Variants in FCSK observed in about 807,000 individuals in gnomAD.
FCSK encodes the protein fucose kinase.
A neutral mutation model predicts 122.5 loss-of-function variants in FCSK; 123 were observed. That is an observed-to-expected ratio of 1.00 (90% CI 0.87 to 1.17). FCSK has a LOEUF of 1.17. Ranked by LOEUF, FCSK falls within the 50% of genes most tolerant of loss-of-function variation. The pLI, the probability that FCSK is intolerant of heterozygous loss-of-function variation, is 0.00. For missense variants in FCSK, 1,366 were observed against 1,450.4 expected, an observed-to-expected ratio of 0.94 and a Z score of 0.95; for synonymous variants, 620 against 625.5, an observed-to-expected ratio of 0.99 and a Z score of 0.13.
At chr16:70,460,904 G>A (rs968374279) in intron 1 of FCSK, among the ~76,000 whole-genome samples, 4 of 152,194 alleles carry the variant, frequency 2.6e-5, no homozygotes, top group African/African-American at 9.7e-5. Flanking sequence ...CTGACCTGAG[G>A]GTTAGACGTG....
chr16:70,469,339 C>T lies in FCSK; in HGVS notation c.955+16C>T. Reference sequence around the variant, plus strand: ...CTTACCATGGGTGGGTACTGCCTCTCAGCTCCCTGGGGTGGGGAGACCATG... The same window carrying T: ...CTTACCATGGGTGGGTACTGCCTCTTAGCTCCCTGGGGTGGGGAGACCATG... On this transcript the variant is annotated intron_variant, in intron 10 of 23. Transcript: ENST00000288078. 1.9e-6 allele frequency: 3 copies of T among 1,572,278 alleles called. No homozygotes were observed. Among genetic ancestry groups the T allele is most frequent in the Non-Finnish European group, 2.6e-6 (3 of 1,162,662 alleles).
rs750334978 is a variant in FCSK at position 70,478,667 on chromosome 16, G to T, written c.2929+17G>T. ...TCCGCCAAGGTGAGGGGCTTCCTCT[G>T]GGGGGGTCAGGGCACTGGGAGCGAG... On this transcript the variant is annotated intron_variant, in intron 22 of 23. Coordinates refer to ENST00000288078, the MANE Select transcript of FCSK (RefSeq NM_145059.3). 5 of 1,599,434 alleles carry T rather than the reference G, an allele frequency of 3.1e-6. No individual in the cohort carries two copies. Among genetic ancestry groups the T allele is most frequent in the Admixed American group, 3.3e-5 (2 of 59,882 alleles).
intron 1 of FCSK, 157 bp downstream of exon 1, chr16:70,454,787 G>T (rs1021118316): frequency 2.6e-5 from 4 of 152,178 alleles, no homozygotes; most frequent in Non-Finnish European, 4.4e-5. Context: ...GAGCTCTGCG[G>T]TGCCCCGGGA....
At chr16:70,457,127 C>T (rs1466235049) in intron 1 of FCSK, among the ~76,000 whole-genome samples, 2 of 152,120 alleles carry the variant, frequency 1.3e-5, no homozygotes, top group Admixed American at 6.6e-5. Flanking sequence ...AGGACTGTTC[C>T]TCTGCCCCTG....
At chr16:70,478,671 G>C (rs1294689073) in intron 22 of FCSK, 21 bp downstream of exon 22, 3 of 1,602,130 alleles carry the variant, frequency 1.9e-6, no homozygotes, top group Admixed American at 3.3e-5. Flanking sequence ...TCCTCTGGGG[G>C]GGTCAGGGCA....
intron 20 of FCSK, 68 bp downstream of exon 20, chr16:70,475,835 G>GCCCCA: frequency 7.0e-7 from 1 of 1,437,842 alleles, no homozygotes; most frequent in Non-Finnish European, 9.2e-7. Flanking sequence ...GGGGAGTGGG[G>GCCCCA]CTCCCCTGGA....
At position 70,474,035 on chromosome 16, in the gene FCSK, C is replaced by T. The variant is rs950518776; in HGVS notation, c.1778-94C>T. On this transcript the variant is annotated intron_variant, in intron 15 of 23. Coordinates refer to ENST00000288078, the MANE Select transcript of FCSK (RefSeq NM_145059.3). Reference sequence around the variant, plus strand: ...GCAAAAGCCAGGAGGTGTGAGGGGTCTGGCGCATTTAGGGACTGTTGAGTA... The same window carrying T: ...GCAAAAGCCAGGAGGTGTGAGGGGTTTGGCGCATTTAGGGACTGTTGAGTA... The T allele has an allele frequency of 5.9e-6, 7 of 1,180,932 alleles. No homozygotes were observed. The South Asian group carries it at 9.4e-5, about 16-fold the overall frequency. The allele number at this position is 1,180,932 out of a possible 1,614,324, so 73.2% of individuals were successfully genotyped here.
Position 70,474,212 on chromosome 16 carries a change from C to A in FCSK, c.1861C>A (p.Arg621Ser), listed in dbSNP as rs760324729. ...ADVLGCMAEG[R>S]GGLRSGPAAN... is the part of the protein sequence containing the mutation. ...CGTCCTGGGCTGCATGGCAGAGGGC[C>A]GTGGGGGCTTGCGGAGCGGGCCAGC... Residue 621 changes from arginine to serine, a missense_variant, in exon 16 of 24, where the codon CGT becomes AGT. By Grantham distance (110) the Arg-to-Ser change is moderately radical (BLOSUM62 -1). Transcript: ENST00000288078. 4 of 1,590,402 alleles carry A rather than the reference C, an allele frequency of 2.5e-6. No homozygotes were observed. The highest frequency in any genetic ancestry group is 1.3e-5 in the African/African-American group (1 of 74,444).
Position 70,460,085 on chromosome 16 carries a change from C to T in FCSK, c.-22-3084C>T, listed in dbSNP as rs558163090. Among the ~76,000 whole-genome samples the T allele has an allele frequency of 8.0e-5, 12 of 150,682 alleles. No individual in the cohort carries two copies. In the South Asian group the frequency reaches 2.3e-3, roughly 29 times the overall value. ...AAGTGCTCGGATTATAGGCGTGAGC[C>T]GCCAACCACGTCTAGCCTCTTTTTT... On this transcript the variant is annotated intron_variant, in intron 1 of 23. Transcript: ENST00000288078.
Position 70,478,473 on chromosome 16 carries a change from C to T in FCSK, c.2829+14C>T. ...AACCTGCTGCAGGTGAGCTCTGGCC[C>T]CAGCATGAGGGAGGCAGGCAGGGGG... On this transcript the variant is annotated intron_variant, in intron 21 of 23. Transcript: ENST00000288078. 1.2e-6 allele frequency: 2 copies of T among 1,613,772 alleles called. No individual in the cohort carries two copies. Among genetic ancestry groups the T allele is most frequent in the Non-Finnish European group, 8.5e-7 (1 of 1,179,946 alleles).
At chr16:70,460,866 C>T (rs578012816) in intron 1 of FCSK, among the ~76,000 whole-genome samples, 34 of 152,296 alleles carry the variant, frequency 2.2e-4, no homozygotes, top group African/African-American at 8.2e-4. Context: ...CAGCTGGGGG[C>T]GTCTGTTAGT....
At chr16:70,479,097 C>A in intron 22 of FCSK, 83 bp from the exon 23 acceptor site, 2 of 1,051,512 alleles carry the variant, frequency 1.9e-6, no homozygotes, top group Non-Finnish European at 2.8e-6. Context: ...GGCTCAGCAG[C>A]ACGTCTTGGC....
At chr16:70,475,558 C>G in intron 19 of FCSK, 65 bp downstream of exon 19, 2 of 1,585,882 alleles carry the variant, frequency 1.3e-6, no homozygotes, top group Non-Finnish European at 1.7e-6. Context: ...CCTGTGATCC[C>G]CCTTCCTGGC....
chr16:70,466,376 C>T, intron 5 of FCSK, 119 bp downstream of exon 5: 1 of 1,282,284 alleles, frequency 7.8e-7, no homozygotes, highest in Non-Finnish European at 1.1e-6. Flanking sequence ...TTGAGGGTGC[C>T]TAATGTTAGT....
intron 1 of FCSK, among the ~76,000 whole-genome samples, chr16:70,460,368 C>G (rs1451669420): frequency 1.3e-5 from 2 of 151,104 alleles, no homozygotes; most frequent in Non-Finnish European, 2.9e-5. Context: ...TCCTCGGCCT[C>G]CCAAAGTGCT....
chr16:70,466,497 A>C (rs1035130749), intron 5 of FCSK: 1 of 527,956 alleles, frequency 1.9e-6, no homozygotes, highest in Non-Finnish European at 3.3e-6. Flanking sequence ...GTTCATGACC[A>C]GCCTGGGCAA....
At chr16:70,454,792 C>A (rs1317644824) in intron 1 of FCSK, 162 bp downstream of exon 1, 1 of 152,184 alleles carries the variant, frequency 6.6e-6, no homozygotes, top group East Asian at 1.9e-4. Flanking sequence ...CTGCGGTGCC[C>A]CGGGAGCCCA....
Position 70,468,870 on chromosome 16 carries a change from T to C in FCSK, c.685T>C (p.Ser229Pro), listed in dbSNP as rs936648067. 2.5e-6 allele frequency: 4 copies of C among 1,613,930 alleles called. No homozygotes were observed. In the African/African-American group the frequency reaches 5.3e-5, roughly 22 times the overall value. ...VPLVSGVVFF[S>P]VETAERLLAT... ...CCAGGTCTCTGGGGTTGTCTTCTTC[T>C]CTGTGGAGACTGCCGAGCGCCTCCT... The change falls in exon 9 of 24, where the codon TCT becomes CCT. Residue 229 changes from serine to proline, a missense_variant. Ser to Pro is a moderately conservative substitution (Grantham distance 74, BLOSUM62 -1). Transcript: ENST00000288078.
Position 70,474,193 on chromosome 16 carries a change from G to A in FCSK, c.1842G>A (p.Leu614=). Residue 614 remains leucine (L), a synonymous_variant, in exon 16 of 24, where the codon CTG becomes CTA. Transcript: ENST00000288078. ...CACTGGCCTGTGTGGCGGACGTCCT[G>A]GGCTGCATGGCAGAGGGCCGTGGGG... is the stretch of plus-strand genomic sequence containing the variant. ...ARALACVADV[L]GCMAEGRGGL... is the part of the protein sequence containing the mutation. 1 of 1,574,170 alleles carries A rather than the reference G, an allele frequency of 6.4e-7. No homozygotes were observed. Among genetic ancestry groups the A allele is most frequent in the Non-Finnish European group, 8.6e-7 (1 of 1,160,900 alleles).
Sources: gnomAD v4.1 joint callset for allele counts (sites outside exome capture counted in the v4.1 genomes callset) on GRCh38, gnomAD v4.1.1 for gene constraint, MANE v1.5 for transcripts, NCBI Gene and HGNC (gene_info 2026-07-23, HGNC 2026-07-21) for gene names.